HYAL4: variants seen among roughly 807,000 people sequenced by gnomAD.
HYAL4 encodes hyaluronidase-4.
In HYAL4, 37 loss-of-function variants were observed where a neutral mutation model predicts 35.2. The observed-to-expected ratio is 1.05, with a 90% CI of 0.81 to 1.38. The LOEUF (loss-of-function observed/expected upper bound fraction) is 1.38. HYAL4 is among the 40% of genes most tolerant of loss of function. HYAL4 has a pLI of 0.00. For missense variants in HYAL4, 572 were observed against 572.4 expected, an observed-to-expected ratio of 1.00 and a Z score of 0.01; for synonymous variants, 198 against 203.2, an observed-to-expected ratio of 0.97 and a Z score of 0.22.
intron 1 of HYAL4, among the ~76,000 whole-genome samples, chr7:123,837,761 G>A (rs1432669864): frequency 6.9e-6 from 1 of 143,950 alleles, no homozygotes; most frequent in Non-Finnish European, 1.5e-5. Flanking sequence ...GAGTGAGAAC[G>A]CACGGTGTTT....
chr7:123,861,561 C>A (rs1447250037), intron 2 of HYAL4, among the ~76,000 whole-genome samples: 1 of 152,068 alleles, frequency 6.6e-6, no homozygotes, highest in Non-Finnish European at 1.5e-5. Context: ...TACTTTAATA[C>A]AGAGATAATT....
the HYAL4 span, among the ~76,000 whole-genome samples, chr7:123,791,016 C>T: frequency 7.2e-5 from 11 of 152,252 alleles, no homozygotes; most frequent in Admixed American, 5.2e-4. Flanking sequence ...CCACCCGCCT[C>T]GGCCTCCCAA....
At chr7:123,781,563 C>T in the HYAL4 span, among the ~76,000 whole-genome samples, 5 of 151,606 alleles carry the variant, frequency 3.3e-5, no homozygotes, top group Non-Finnish European at 7.4e-5. Flanking sequence ...TCCCACCTTA[C>T]GAGAAACACC....
the HYAL4 span, among the ~76,000 whole-genome samples, chr7:123,779,967 G>A: frequency 2.0e-5 from 3 of 152,050 alleles, no homozygotes; most frequent in Non-Finnish European, 4.4e-5. Context: ...TAAAATTATT[G>A]CATTTTTGGA....
the HYAL4 span, among the ~76,000 whole-genome samples, chr7:123,806,702 C>T: frequency 6.6e-6 from 1 of 151,762 alleles, no homozygotes; most frequent in Admixed American, 6.6e-5. Context: ...TCCATCCAAC[C>T]CAGCCTCCCA....
At chr7:123,804,350 T>C in the HYAL4 span, among the ~76,000 whole-genome samples, 1 of 152,194 alleles carries the variant, frequency 6.6e-6, no homozygotes, top group African/African-American at 2.4e-5. Flanking sequence ...TTTGCCCTGA[T>C]TGTCCTCTTC....
the HYAL4 span, among the ~76,000 whole-genome samples, chr7:123,776,754 G>A: frequency 6.6e-6 from 1 of 152,210 alleles, no homozygotes; most frequent in African/African-American, 2.4e-5. Flanking sequence ...ATGAGGTTTT[G>A]GAGAGGGACA....
the HYAL4 span, among the ~76,000 whole-genome samples, chr7:123,799,536 C>T: frequency 2.6e-5 from 4 of 151,532 alleles, no homozygotes; most frequent in African/African-American, 2.4e-5. Flanking sequence ...TGCCTGTAAT[C>T]CCAGCACTTT....
the HYAL4 span, among the ~76,000 whole-genome samples, chr7:123,778,043 A>G: frequency 6.6e-6 from 1 of 152,152 alleles, no homozygotes; most frequent in East Asian, 1.9e-4. Context: ...ATTTTGTCAT[A>G]GAAGGCTTGT....
intron 2 of HYAL4, among the ~76,000 whole-genome samples, chr7:123,854,323 G>A (rs772216835): frequency 5.3e-5 from 8 of 151,862 alleles, no homozygotes; most frequent in Non-Finnish European, 1.2e-4. Context: ...TTAGGGTGTC[G>A]GTTTTAGATC....
intron 2 of HYAL4, among the ~76,000 whole-genome samples, chr7:123,854,109 T>C (rs891561834): frequency 6.6e-6 from 1 of 152,200 alleles, no homozygotes; most frequent in Non-Finnish European, 1.5e-5. Flanking sequence ...TATTTGATTC[T>C]TCTCTCTTTT....
chr7:123,781,059 G>C, the HYAL4 span, among the ~76,000 whole-genome samples: 63 of 47,804 alleles, frequency 1.3e-3, no homozygotes, highest in African/African-American at 7.0e-3. Flanking sequence ...CACCCGTAAA[G>C]GGTCTGTGCT....
chr7:123,807,539 C>A, the HYAL4 span, among the ~76,000 whole-genome samples: 2 of 145,696 alleles, frequency 1.4e-5, no homozygotes, highest in East Asian at 4.3e-4. Flanking sequence ...CTTTCAGGTT[C>A]AAGCAATTTT....
chr7:123,857,421 C>T (rs1185052655), intron 2 of HYAL4, among the ~76,000 whole-genome samples: 1 of 151,998 alleles, frequency 6.6e-6, no homozygotes, highest in Non-Finnish European at 1.5e-5. Flanking sequence ...CATGGCTTCC[C>T]TTGGGTAGGG....
chr7:123,870,621 G>T (rs551875273), intron 3 of HYAL4, among the ~76,000 whole-genome samples: 1 of 152,150 alleles, frequency 6.6e-6, no homozygotes, highest in Admixed American at 6.5e-5. Flanking sequence ...AATTAGCTAG[G>T]TGTGGTGGTG....
At chr7:123,853,468 G>A (rs1008003319) in intron 2 of HYAL4, among the ~76,000 whole-genome samples, 17 of 151,982 alleles carry the variant, frequency 1.1e-4, no homozygotes, top group African/African-American at 3.1e-4. Flanking sequence ...AGGCCTTTTC[G>A]GCATCTATTG....
upstream of HYAL4, among the ~76,000 whole-genome samples, chr7:123,841,620 C>T (rs1806067966): frequency 1.3e-5 from 2 of 151,920 alleles, no homozygotes; most frequent in Admixed American, 1.3e-4. Flanking sequence ...TCTGTCTGGT[C>T]CTGGACTTTT....
chr7:123,869,846 C>T (rs569922630), intron 3 of HYAL4, among the ~76,000 whole-genome samples: 1 of 149,004 alleles, frequency 6.7e-6, no homozygotes, highest in South Asian at 2.2e-4. Flanking sequence ...CACCCCCCCC[C>T]ACCCAGCTAA....
At chr7:123,876,613 C>G (rs1178542023) in intron 4 of HYAL4, 141 bp from the exon 5 acceptor site, 1 of 865,528 alleles carries the variant, frequency 1.2e-6, no homozygotes, top group Non-Finnish European at 1.8e-6. Flanking sequence ...CTGAACCAAG[C>G]CATTATGTTT....
Sources: allele counts gnomAD v4.1 joint callset (sites outside exome capture counted in the v4.1 genomes callset), GRCh38; gene constraint gnomAD v4.1.1; transcripts MANE v1.5; gene names NCBI Gene and HGNC (gene_info 2026-07-23, HGNC 2026-07-21).